The following PPHLN1 variants were observed in gnomAD, a reference collection of about 807,000 sequenced individuals.
PPHLN1 encodes periphilin 1.
In PPHLN1, 29 loss-of-function variants were observed where a neutral mutation model predicts 51.3. That is an observed-to-expected ratio of 0.57 (90% CI 0.42 to 0.77). The LOEUF is 0.77. PPHLN1 is among the 30% of genes least tolerant of loss of function. The pLI is 0.00. For missense variants in PPHLN1, 436 were observed against 438.4 expected (o/e 0.99, Z 0.05); for synonymous variants, 147 against 147.8 (o/e 0.99, Z 0.04).
intron 5 of PPHLN1, among the ~76,000 whole-genome samples, chr12:42,376,791 A>G (rs1012492225): frequency 6.6e-6 from 1 of 152,154 alleles, no homozygotes; most frequent in African/African-American, 2.4e-5. Context: ...ATGTCTCTAA[A>G]AATAAATAAA....
intron 9 of PPHLN1, among the ~76,000 whole-genome samples, chr12:42,436,784 T>G (rs1467231857): frequency 1.3e-5 from 2 of 152,178 alleles, no homozygotes; most frequent in African/African-American, 4.8e-5. Flanking sequence ...AGGATTTATG[T>G]CTTGGGCAGG....
chr12:42,403,307 C>T (rs762747832), intron 9 of PPHLN1, among the ~76,000 whole-genome samples: 2 of 152,138 alleles, frequency 1.3e-5, no homozygotes, highest in African/African-American at 2.4e-5. Flanking sequence ...TACATACATA[C>T]AGTTAGTAAA....
At chr12:42,399,125 A>G (rs1248747795) in intron 9 of PPHLN1, 131 bp downstream of exon 9, 19 of 1,433,506 alleles carry the variant, frequency 1.3e-5, no homozygotes, top group South Asian at 1.3e-4. Context: ...AAAAAATTAT[A>G]AAAATTGTTT....
rs1000247997 is a variant in PPHLN1, at chr12:42,401,026, T to A, written c.909+2032T>A. Among the ~76,000 whole-genome samples, 3 of 152,170 alleles carry A rather than the reference T, an allele frequency of 2.0e-5. No individual in the cohort carries two copies. In the East Asian group the frequency reaches 5.8e-4, roughly 29 times the overall value. ...AAAGCATTACATTTAAAATGAACAA[T>A]TCTGGGAGGTTTTTGGTTTAATATT... On this transcript the variant is annotated intron_variant, in intron 9 of 9. Coordinates refer to ENST00000358314, the MANE Select transcript of PPHLN1 (RefSeq NM_201439.2).
At chr12:42,411,633 G>T (rs1490743377) in intron 9 of PPHLN1, among the ~76,000 whole-genome samples, 1 of 152,126 alleles carries the variant, frequency 6.6e-6, no homozygotes, top group Admixed American at 6.5e-5. Flanking sequence ...GGCTGGGCGC[G>T]GTGGCTCATG....
chr12:42,344,715 T>TTTTC (rs1321582859), intron 2 of PPHLN1, among the ~76,000 whole-genome samples: 1 of 150,784 alleles, frequency 6.6e-6, no homozygotes, highest in Non-Finnish European at 1.5e-5. Context: ...TGGATTTTTT[T>TTTTC]TTTTTTTTTT....
chr12:42,405,463 G>C (rs1477696413), intron 9 of PPHLN1, among the ~76,000 whole-genome samples: 1 of 152,176 alleles, frequency 6.6e-6, no homozygotes, highest in African/African-American at 2.4e-5. Flanking sequence ...TTACTTAAAG[G>C]TAACTTGAAA....
downstream of PPHLN1, chr12:42,442,634 C>A (rs376932757): frequency 6.2e-7 from 1 of 1,613,772 alleles, no homozygotes; most frequent in East Asian, 2.2e-5. Context: ...TCCGGTCGCT[C>A]GGCCAGAGTC....
chr12:42,397,840 C>G (rs1270840446), intron 8 of PPHLN1, among the ~76,000 whole-genome samples: 2 of 152,136 alleles, frequency 1.3e-5, no homozygotes, highest in Admixed American at 6.5e-5. Context: ...CTCCCGGGTT[C>G]AAGTGATTCT....
At chr12:42,333,053 G>T (rs1168858417) in intron 1 of PPHLN1, among the ~76,000 whole-genome samples, 2 of 152,102 alleles carry the variant, frequency 1.3e-5, no homozygotes, top group African/African-American at 4.8e-5. Flanking sequence ...AATTGCTGTT[G>T]CATTCTCTTG....
chr12:42,368,203 T>TA (rs1193362458), intron 4 of PPHLN1, among the ~76,000 whole-genome samples: 1 of 152,184 alleles, frequency 6.6e-6, no homozygotes, highest in African/African-American at 2.4e-5. Context: ...CCTGCATACT[T>TA]ACAAATTTTT....
intron 5 of PPHLN1, among the ~76,000 whole-genome samples, chr12:42,383,983 C>CA (rs61016692): frequency 0.061 from 3,153 of 51,470 alleles, 898 homozygotes; most frequent in Non-Finnish European, 0.09. Context: ...GACTGTGTCT[C>CA]AAAAAAAAAA....
At chr12:42,328,652 A>G (rs1565710048) in intron 1 of PPHLN1, among the ~76,000 whole-genome samples, 1 of 152,242 alleles carries the variant, frequency 6.6e-6, no homozygotes, top group Non-Finnish European at 1.5e-5. Flanking sequence ...TAAAAGAAGT[A>G]TCCTTAAAGC....
chr12:42,436,016 T>C (rs893697806), intron 9 of PPHLN1, among the ~76,000 whole-genome samples: 3 of 152,250 alleles, frequency 2.0e-5, no homozygotes, highest in Admixed American at 6.5e-5. Context: ...TATAGTCACA[T>C]ATGGCTAGTG....
intron 9 of PPHLN1, among the ~76,000 whole-genome samples, chr12:42,415,861 A>G (rs937442968): frequency 3.3e-5 from 5 of 152,240 alleles, no homozygotes; most frequent in Admixed American, 2.0e-4. Context: ...GTTCAAGTTT[A>G]TGCTAGAAGT....
At chr12:42,337,670 G>A (rs1261764223) in intron 2 of PPHLN1, among the ~76,000 whole-genome samples, 2 of 151,444 alleles carry the variant, frequency 1.3e-5, no homozygotes, top group South Asian at 2.1e-4. Flanking sequence ...GGCTCACTAC[G>A]TCCTCTACTT....
At position 42,437,342 on chromosome 12, in the gene PPHLN1, A is replaced by G. The variant is rs555140410; in HGVS notation, c.910-3973A>G. ...TGTTTCTCCTCTTTCCATCATCATCACTATAGCTGCCTTAGATTAAATGCT... is the reference window on the plus strand; with the variant it reads ...TGTTTCTCCTCTTTCCATCATCATCGCTATAGCTGCCTTAGATTAAATGCT... On this transcript the variant is annotated intron_variant, in intron 9 of 9. Transcript: ENST00000358314. Among the ~76,000 whole-genome samples, 6 of 152,194 alleles carry G rather than the reference A, an allele frequency of 3.9e-5. No homozygotes were observed. The East Asian group carries it at 1.2e-3, about 29-fold the overall frequency.
rs1023868085 is a variant in PPHLN1 at position 42,391,137 on chromosome 12, G to C, written c.649-2433G>C. Among the ~76,000 whole-genome samples, 3 of 152,128 alleles carry C rather than the reference G, an allele frequency of 2.0e-5. 1 individual carries two copies. The highest frequency in any genetic ancestry group is 7.2e-5 in the African/African-American group (3 of 41,414). On this transcript the variant is annotated intron_variant, in intron 7 of 9. Transcript: ENST00000358314. ...GTGAACTCTTTGATGTAACATTATG[G>C]CTGCCCATATGTTGGGATACTTTTT...
At chr12:42,355,260 C>G (rs1251929066) in intron 4 of PPHLN1, 38 bp downstream of exon 4, 6 of 1,532,494 alleles carry the variant, frequency 3.9e-6, no homozygotes, top group Non-Finnish European at 5.4e-6. Context: ...TACTTTGATA[C>G]TTGACTCACT....
Sources: allele counts gnomAD v4.1 joint callset (sites outside exome capture counted in the v4.1 genomes callset), GRCh38; gene constraint gnomAD v4.1.1; transcripts MANE v1.5; gene names NCBI Gene and HGNC (gene_info 2026-07-23, HGNC 2026-07-21).